NT5DC1: variants seen among roughly 807,000 people sequenced by gnomAD.
NT5DC1 encodes 5'-nucleotidase domain containing 1.
A neutral mutation model predicts 59.4 loss-of-function variants in NT5DC1; 42 were observed. The observed-to-expected ratio is 0.71, with a 90% CI of 0.55 to 0.92. NT5DC1 has a LOEUF of 0.92. Among genes scored for constraint, NT5DC1 ranks in the 40% least tolerant of loss-of-function variants. NT5DC1 has a pLI of 0.00. For missense variants in NT5DC1, 501 were observed against 537.1 expected (o/e 0.93, Z 0.66); for synonymous variants, 172 against 188.1 (o/e 0.91, Z 0.70).
intron 6 of NT5DC1, among the ~76,000 whole-genome samples, chr6:116,179,111 A>G (rs1259927726): frequency 6.6e-6 from 1 of 152,150 alleles, no homozygotes; most frequent in African/African-American, 2.4e-5. Flanking sequence ...AGAGATATTT[A>G]GCTTCAGGAA....
chr6:116,168,886 A>G (rs1780541770), intron 6 of NT5DC1, among the ~76,000 whole-genome samples: 1 of 152,166 alleles, frequency 6.6e-6, no homozygotes, highest in Non-Finnish European at 1.5e-5. Context: ...GATTGAGGTG[A>G]TGTGAAGTTG....
At chr6:116,169,077 C>A (rs780317593) in intron 6 of NT5DC1, among the ~76,000 whole-genome samples, 7 of 152,156 alleles carry the variant, frequency 4.6e-5, no homozygotes, top group Admixed American at 6.5e-5. Context: ...TTGAAGATTG[C>A]GACTTCTTAG....
At chr6:116,120,554 A>G in intron 6 of NT5DC1, 1 of 1,612,658 alleles carries the variant, frequency 6.2e-7, no homozygotes, top group South Asian at 1.1e-5. Flanking sequence ...ACCCTCAGGC[A>G]TGACTGCTTG....
intron 6 of NT5DC1, chr6:116,145,477 CA>C: frequency 2.6e-6 from 1 of 379,490 alleles, no homozygotes; most frequent in South Asian, 2.0e-5. Flanking sequence ...GATATATCTA[CA>C]AGTTTCATAC....
intron 6 of NT5DC1, among the ~76,000 whole-genome samples, chr6:116,144,516 G>A (rs1432339888): frequency 6.6e-6 from 1 of 151,642 alleles, no homozygotes; most frequent in Non-Finnish European, 1.5e-5. Context: ...AAAAAAAAGT[G>A]TAAAAGGAGA....
rs562196914 is a variant in NT5DC1 at position 116,184,101 on chromosome 6, A to T, written c.530-36953A>T. On this transcript the variant is annotated intron_variant, in intron 6 of 11. Coordinates refer to ENST00000319550, the MANE Select transcript of NT5DC1 (RefSeq NM_152729.3). ...CTATGGCAGTTTTGCTGAGGGTTTT[A>T]ATCATAAAGAGATGCTGGATCTTGT... Among the ~76,000 whole-genome samples, 5 of 152,084 alleles carry T rather than the reference A, an allele frequency of 3.3e-5. No homozygotes were observed. In the South Asian group the frequency reaches 1.0e-3, roughly 32 times the overall value.
intron 6 of NT5DC1, among the ~76,000 whole-genome samples, chr6:116,214,413 A>G (rs1309617454): frequency 1.3e-5 from 2 of 152,158 alleles, no homozygotes; most frequent in African/African-American, 4.8e-5. Context: ...AATATGCATA[A>G]TCTGGTTTTG....
At chr6:116,199,038 A>G (rs1187976298) in intron 6 of NT5DC1, among the ~76,000 whole-genome samples, 1 of 152,048 alleles carries the variant, frequency 6.6e-6, no homozygotes, top group African/African-American at 2.4e-5. Context: ...AATGTTTAGC[A>G]AGATCACTGG....
intron 6 of NT5DC1, among the ~76,000 whole-genome samples, chr6:116,143,341 G>C (rs1195319397): frequency 2.0e-5 from 3 of 152,068 alleles, no homozygotes; most frequent in Non-Finnish European, 1.5e-5. Context: ...CTCTCAAGTA[G>C]CTGGGATTAT....
chr6:116,225,934 A>T (rs972664668), intron 8 of NT5DC1, among the ~76,000 whole-genome samples: 11 of 152,076 alleles, frequency 7.2e-5, no homozygotes, highest in Non-Finnish European at 1.2e-4. Flanking sequence ...GCAACTTTGG[A>T]GGGGGGTGGA....
At position 116,244,168 on chromosome 6, in the gene NT5DC1, AT is replaced by A; in HGVS notation, c.*145del. 4.3e-6 allele frequency: 2 copies of A among 470,266 alleles called. No homozygotes were observed. Among genetic ancestry groups the A allele is most frequent in the Non-Finnish European group, 3.8e-6 (1 of 263,032 alleles). The allele number at this position is 470,266 out of a possible 1,614,324, so 29.1% of individuals were successfully genotyped here. A position where few individuals can be genotyped will look rare whatever the true frequency, so the allele number is the denominator to read the frequency against. ...TTGTCCATAGGTCTCCTTTCTATAA[AT>A]CATCTTGATGTTTAACAACTCTTAT... is the stretch of plus-strand genomic sequence containing the variant. On this transcript the variant is annotated 3_prime_UTR_variant, in exon 12 of 12. Transcript: ENST00000319550.
At chr6:116,162,101 G>A (rs953052037) in intron 6 of NT5DC1, among the ~76,000 whole-genome samples, 1 of 152,088 alleles carries the variant, frequency 6.6e-6, no homozygotes, top group Admixed American at 6.6e-5. Context: ...GTATAGAAAT[G>A]CAACTGATTA....
chr6:116,204,097 G>A (rs1276994375), intron 6 of NT5DC1, among the ~76,000 whole-genome samples: 1 of 151,872 alleles, frequency 6.6e-6, no homozygotes, highest in Non-Finnish European at 1.5e-5. Context: ...TGGTCCTGCA[G>A]TGAAACACCT....
Position 116,120,264 on chromosome 6 carries a change from C to A in NT5DC1, c.529+2319C>A, listed in dbSNP as rs773944965. On this transcript the variant is annotated intron_variant, in intron 6 of 11. Transcript: ENST00000319550. The stretch of plus-strand genomic sequence containing the variant: ...TCATAGGTGTACATTACAGGGGTGC[C>A]ATTCTTATACAGGCCTACCCAAACA... 10 of 1,614,022 alleles carry A rather than the reference C, an allele frequency of 6.2e-6. No homozygotes were observed. The highest frequency in any genetic ancestry group is 8.5e-6 in the Non-Finnish European group (10 of 1,180,038).
Position 116,244,188 on chromosome 6 carries a change from C to G in NT5DC1, c.*164C>G, listed in dbSNP as rs1056811736. The G allele has an allele frequency of 4.5e-6, 2 of 445,864 alleles. No homozygotes were observed. The highest frequency in any genetic ancestry group is 8.0e-6 in the Non-Finnish European group (2 of 250,226). 27.6% of individuals were successfully genotyped at this position (445,864 alleles called of 1,614,324 possible). A position where few individuals can be genotyped will look rare whatever the true frequency, so the allele number is the denominator to read the frequency against. On this transcript the variant is annotated 3_prime_UTR_variant, in exon 12 of 12. Transcript: ENST00000319550. ...TATAAATCATCTTGATGTTTAACAA[C>G]TCTTATTATATTAAAATCTCAGTAT...
In NT5DC1 at chr6:116,188,888, G is replaced by T. The variant is rs56000489; in HGVS notation, c.530-32166G>T. ...TAGCTGATACTCTGTTTTTTAATTT[G>T]GATCTGTTTATTTATAATTAAGCTT... On this transcript the variant is annotated intron_variant, in intron 6 of 11. Coordinates refer to ENST00000319550, the MANE Select transcript of NT5DC1 (RefSeq NM_152729.3). 5.7e-3 allele frequency among the ~76,000 whole-genome samples: 864 copies of T among 151,746 alleles called. 17 individuals carry two copies. Among genetic ancestry groups the T allele is most frequent in the South Asian group, 0.046 (222 of 4,814 alleles).
intron 6 of NT5DC1, among the ~76,000 whole-genome samples, chr6:116,155,949 T>C (rs1338383538): frequency 6.6e-6 from 1 of 152,106 alleles, no homozygotes; most frequent in Admixed American, 6.5e-5. Flanking sequence ...TTCAGTTACC[T>C]AAAGGCTTTA....
intron 6 of NT5DC1, among the ~76,000 whole-genome samples, chr6:116,220,051 C>G (rs1781766021): frequency 6.9e-6 from 1 of 145,956 alleles, no homozygotes; most frequent in African/African-American, 2.5e-5. Context: ...GTGTTTCACA[C>G]TGGAGAGAGT....
At chr6:116,121,825 T>A in intron 6 of NT5DC1, 1 of 1,613,874 alleles carries the variant, frequency 6.2e-7, no homozygotes, top group Non-Finnish European at 8.5e-7. Flanking sequence ...CCGGTGGTCC[T>A]GGCAACCCTG....
Sources: allele counts gnomAD v4.1 joint callset (sites outside exome capture counted in the v4.1 genomes callset), GRCh38; gene constraint gnomAD v4.1.1; transcripts MANE v1.5; gene names NCBI Gene and HGNC (gene_info 2026-07-23, HGNC 2026-07-21).